The following ADH1A variants were observed in gnomAD, a reference collection of about 807,000 sequenced individuals.
ADH1A encodes the protein alcohol dehydrogenase 1A.
In ADH1A, 29 loss-of-function variants were observed where a neutral mutation model predicts 35.2. That is an observed-to-expected ratio of 0.82 (90% CI 0.61 to 1.12). ADH1A has a LOEUF of 1.12. Ranked by LOEUF, ADH1A falls within the 50% of genes most tolerant of loss-of-function variation. The probability of loss-of-function intolerance (pLI) is 0.00; values close to 1 mark genes in which losing one functional copy is unlikely to be tolerated. For missense variants in ADH1A, 469 were observed against 464.7 expected (o/e 1.01, Z -0.09); for synonymous variants, 147 against 164.8 (o/e 0.89, Z 0.83).
Position 99,284,389 on chromosome 4 carries a change from C to G in ADH1A, c.567+10G>C, listed in dbSNP as rs777332270. 6.2e-7 allele frequency: 1 copy of G among 1,613,936 alleles called. No homozygotes were observed. Among genetic ancestry groups the G allele is most frequent in the South Asian group, 1.1e-5 (1 of 91,076 alleles). On this transcript the variant is annotated intron_variant, in intron 5 of 8. Coordinates refer to ENST00000209668, the MANE Select transcript of ADH1A (RefSeq NM_000667.4). ...GTGTAACTGTTTTTATCACCCATTG[C>G]CATTCTTACCTTGGCAACATTGACT...
At chr4:99,286,073 T>C (rs984705825) in intron 3 of ADH1A, among the ~76,000 whole-genome samples, 2 of 151,882 alleles carry the variant, frequency 1.3e-5, no homozygotes, top group African/African-American at 4.8e-5. Context: ...ATAATTTTTA[T>C]TTTAAATTAC....
At chr4:99,283,421 C>T (rs1733053845) in intron 5 of ADH1A, among the ~76,000 whole-genome samples, 1 of 152,166 alleles carries the variant, frequency 6.6e-6, no homozygotes, top group Admixed American at 6.5e-5. Context: ...TTTTGCGTAA[C>T]ATGCTCTTCC....
Position 99,276,615 on chromosome 4 carries a change from T to A in ADH1A, c.*9A>T. 1.2e-6 allele frequency: 2 copies of A among 1,611,258 alleles called. No homozygotes were observed. The highest frequency in any genetic ancestry group is 1.7e-6 in the Non-Finnish European group (2 of 1,177,436). The stretch of plus-strand genomic sequence containing the variant: ...GAAGACTGCCACAAGGGAAAACATC[T>A]GTATTGTCTCAAAACATCAGAATGG... On this transcript the variant is annotated 3_prime_UTR_variant, in exon 9 of 9. Coordinates refer to ENST00000209668, the MANE Select transcript of ADH1A (RefSeq NM_000667.4).
At chr4:99,280,685 C>T (rs1732981541) in intron 6 of ADH1A, among the ~76,000 whole-genome samples, 1 of 152,084 alleles carries the variant, frequency 6.6e-6, no homozygotes, top group Non-Finnish European at 1.5e-5. Flanking sequence ...TACTTTCAAC[C>T]ACATATTTTA....
intron 7 of ADH1A, among the ~76,000 whole-genome samples, 185 bp from the exon 8 acceptor site, chr4:99,279,749 TA>T (rs1732952329): frequency 6.6e-6 from 1 of 152,088 alleles, no homozygotes; most frequent in South Asian, 2.1e-4. Flanking sequence ...AAATCACAGA[TA>T]AACAAGGGTC....
chr4:99,288,396 T>A (rs774634884), intron 1 of ADH1A, among the ~76,000 whole-genome samples: 15 of 152,026 alleles, frequency 9.9e-5, no homozygotes, highest in Non-Finnish European at 1.9e-4. Context: ...TACACATACA[T>A]ATTTCAAAAT....
intron 1 of ADH1A, among the ~76,000 whole-genome samples, chr4:99,287,884 A>G (rs1733196034): frequency 6.6e-6 from 1 of 152,246 alleles, no homozygotes; most frequent in Admixed American, 6.5e-5. Flanking sequence ...CAACACACTG[A>G]GATAAAATGG....
At chr4:99,280,905 G>C (rs543573711) in intron 6 of ADH1A, among the ~76,000 whole-genome samples, 1 of 152,244 alleles carries the variant, frequency 6.6e-6, no homozygotes, top group Admixed American at 6.5e-5. Context: ...GTCTTTTCCA[G>C]TGAGCTTTCT....
At chr4:99,280,419 C>T (rs1732973494) in intron 6 of ADH1A, 140 bp from the exon 7 acceptor site, 2 of 1,407,346 alleles carry the variant, frequency 1.4e-6, no homozygotes, top group South Asian at 1.4e-5. Flanking sequence ...CTTCAGTCCC[C>T]TTTTTTGCAC....
At chr4:99,278,630 A>G (rs1293274477) in intron 8 of ADH1A, 1 of 152,164 alleles carries the variant, frequency 6.6e-6, no homozygotes, top group African/African-American at 2.4e-5. Flanking sequence ...AACACTATTA[A>G]AAGTTGAAAA....
rs541388819 is a variant in ADH1A at position 99,280,092 on chromosome 4, G to T, written c.964+52C>A. ...AACCTTGCCTTGTCACTTGTAAAAG[G>T]GGAGATATGCTGAGGTTAATGAGAA... On this transcript the variant is annotated intron_variant, in intron 7 of 8. Coordinates refer to ENST00000209668, the MANE Select transcript of ADH1A (RefSeq NM_000667.4). 2.5e-6 allele frequency: 4 copies of T among 1,609,158 alleles called. No individual in the cohort carries two copies. The African/African-American group carries it at 4.0e-5, about 16-fold the overall frequency.
At position 99,286,946 on chromosome 4, in the gene ADH1A, T is replaced by C. The variant is rs1308560871; in HGVS notation, c.163A>G (p.Ser55Gly). The C allele has an allele frequency of 1.5e-5, 24 of 1,614,094 alleles. No individual in the cohort carries two copies. Among genetic ancestry groups the C allele is most frequent in the Non-Finnish European group, 1.9e-5 (22 of 1,180,036 alleles). ...GICGTDDHVV[S>G]GTMVTPLPVI... ...GGAAGTGGGGTCACCATGGTACCAC[T>C]AACCACGTGGTCATCTGTGCCACAG... is the stretch of plus-strand genomic sequence containing the variant. Residue 55 changes from serine (S) to glycine (G), a missense_variant, in exon 3 of 9, where the codon AGT (serine) becomes GGT (glycine). Ser to Gly is a moderately conservative substitution (Grantham distance 56). Transcript: ENST00000209668.
intron 8 of ADH1A, among the ~76,000 whole-genome samples, chr4:99,277,545 G>C (rs908206685): frequency 6.6e-6 from 1 of 151,922 alleles, no homozygotes. Context: ...AGAAAGTAAA[G>C]GTAATCCATA....
At chr4:99,289,096 G>A (rs927496693) in intron 1 of ADH1A, among the ~76,000 whole-genome samples, 3 of 152,136 alleles carry the variant, frequency 2.0e-5, no homozygotes, top group Admixed American at 1.3e-4. Context: ...GAATTACTTA[G>A]AATAATGGTC....
At chr4:99,279,352 C>T (rs3819197) in intron 8 of ADH1A, 74 bp downstream of exon 8, 394,132 of 1,506,158 alleles carry the variant, frequency 0.26, 60,893 homozygotes, top group East Asian at 0.82. Context: ...CATCCTTCCA[C>T]CTTTTCATTT....
intron 3 of ADH1A, among the ~76,000 whole-genome samples, chr4:99,285,939 G>A (rs182055901): frequency 5.3e-4 from 78 of 146,516 alleles, no homozygotes; most frequent in Non-Finnish European, 8.7e-4. Context: ...GGAGAATGGC[G>A]TGAACCCGGG....
intron 7 of ADH1A, among the ~76,000 whole-genome samples, chr4:99,279,883 C>T (rs962107584): frequency 6.6e-6 from 1 of 152,092 alleles, no homozygotes; most frequent in African/African-American, 2.4e-5. Context: ...CTGTGTCTTA[C>T]TAGAAATTCC....
At chr4:99,283,618 CAGG>C (rs1162920359) in intron 5 of ADH1A, among the ~76,000 whole-genome samples, 2 of 152,120 alleles carry the variant, frequency 1.3e-5, no homozygotes, top group African/African-American at 2.4e-5. Context: ...TAAGATTCAG[CAGG>C]AGATTAGTAA....
At chr4:99,277,662 T>C (rs1020950585) in intron 8 of ADH1A, among the ~76,000 whole-genome samples, 15 of 152,092 alleles carry the variant, frequency 9.9e-5, no homozygotes, top group African/African-American at 2.9e-4. Flanking sequence ...ATGTGCGATA[T>C]TGTATATAAA....
Sources: allele counts gnomAD v4.1 joint callset (sites outside exome capture counted in the v4.1 genomes callset), GRCh38; gene constraint gnomAD v4.1.1; transcripts MANE v1.5; gene names NCBI Gene and HGNC (gene_info 2026-07-23, HGNC 2026-07-21).